The following LRP1B variants were observed in gnomAD, a reference collection of about 807,000 sequenced individuals.
LRP1B encodes the protein low-density lipoprotein receptor-related protein 1B.
In LRP1B, 217 loss-of-function variants were observed where a neutral mutation model predicts 556.6. The observed-to-expected ratio is 0.39, with a 90% CI of 0.35 to 0.44. The LOEUF (loss-of-function observed/expected upper bound fraction) is 0.44, where lower values mean the gene tolerates loss of function less well. Ranked by LOEUF, LRP1B falls within the 20% of genes least tolerant of loss-of-function variation. The pLI, the probability that LRP1B is intolerant of heterozygous loss-of-function variation, is 1.00. For synonymous variants in LRP1B, 2,047 were observed against 1,865.8 expected (o/e 1.10, Z -2.50); for missense variants, 5,053 against 5,620.8 (o/e 0.90, Z 3.23).
rs531601126 is a variant in LRP1B, at chr2:141,430,755, G to T, written c.343+49641C>A. On this transcript the variant is annotated intron_variant, in intron 3 of 90. Coordinates refer to ENST00000389484, the MANE Select transcript of LRP1B (RefSeq NM_018557.3). ...ATTCCCTAAAAAGCCCTTGCCTTTT[G>T]GTTATACAATCAAATGCCAATCTAG... 6.6e-5 allele frequency among the ~76,000 whole-genome samples: 10 copies of T among 152,176 alleles called. No individual in the cohort carries two copies. In the South Asian group the frequency reaches 2.1e-3, roughly 32 times the overall value.
At chr2:141,305,768 T>G (rs1398761394) in intron 3 of LRP1B, among the ~76,000 whole-genome samples, 1 of 152,208 alleles carries the variant, frequency 6.6e-6, no homozygotes, top group African/African-American at 2.4e-5. Flanking sequence ...GTTCCTTCTA[T>G]GCCTAGCTTG....
chr2:141,003,276 T>C (rs1697477430), intron 15 of LRP1B, among the ~76,000 whole-genome samples: 1 of 152,246 alleles, frequency 6.6e-6, no homozygotes, highest in African/African-American at 2.4e-5. Context: ...AAGATGCTTA[T>C]GCTCATATTA....
At position 141,441,157 on chromosome 2, in the gene LRP1B, A is replaced by C. The variant is rs10169056; in HGVS notation, c.343+39239T>G. ...AATGGTACGATCTTGGTTCACTGCAACCTCCACCTCCCGGGTTCAAGTGAT... is the reference window on the plus strand; with the variant it reads ...AATGGTACGATCTTGGTTCACTGCACCCTCCACCTCCCGGGTTCAAGTGAT... On this transcript the variant is annotated intron_variant, in intron 3 of 90. Transcript: ENST00000389484. Among the ~76,000 whole-genome samples the C allele has an allele frequency of 9.5e-3, 1,440 of 151,816 alleles. 20 individuals are homozygous for C. The highest frequency in any genetic ancestry group is 0.033 in the African/African-American group (1,374 of 41,344).
At chr2:140,558,071 T>C (rs894498724) in intron 43 of LRP1B, among the ~76,000 whole-genome samples, 1 of 152,118 alleles carries the variant, frequency 6.6e-6, no homozygotes, top group Admixed American at 6.6e-5. Context: ...CGATGAAATA[T>C]CACCTCACAC....
chr2:140,340,186 A>G (rs1224145844), intron 77 of LRP1B, among the ~76,000 whole-genome samples: 1 of 151,506 alleles, frequency 6.6e-6, no homozygotes, highest in Non-Finnish European at 1.5e-5. Flanking sequence ...ACACTATCAG[A>G]AAAACAAAGA....
chr2:141,974,326 G>C (rs1443608158), intron 1 of LRP1B, among the ~76,000 whole-genome samples: 2 of 152,006 alleles, frequency 1.3e-5, no homozygotes, highest in Admixed American at 6.6e-5. Flanking sequence ...AAGGGGATAG[G>C]AAAGAACGGT....
At chr2:141,475,230 G>T (rs987929408) in intron 3 of LRP1B, among the ~76,000 whole-genome samples, 5 of 152,140 alleles carry the variant, frequency 3.3e-5, no homozygotes, top group African/African-American at 1.2e-4. Context: ...AAAATTAGCT[G>T]TTGGCACAGG....
intron 59 of LRP1B, 28 bp downstream of exon 59, chr2:140,485,315 T>G: frequency 6.3e-7 from 1 of 1,578,738 alleles, no homozygotes; most frequent in Non-Finnish European, 8.6e-7. Flanking sequence ...AGTCTTAAAC[T>G]TTAAGATTTT....
chr2:141,962,330 A>T (rs1300361223), intron 1 of LRP1B, among the ~76,000 whole-genome samples: 1 of 151,830 alleles, frequency 6.6e-6, no homozygotes, highest in Non-Finnish European at 1.5e-5. Context: ...TTTAACAAAG[A>T]CATCTTTCAT....
At chr2:141,818,724 G>T (rs1317755190) in intron 1 of LRP1B, among the ~76,000 whole-genome samples, 1 of 150,816 alleles carries the variant, frequency 6.6e-6, no homozygotes, top group East Asian at 2.0e-4. Context: ...TTTTAGTAGA[G>T]ACGGGGTTTC....
intron 1 of LRP1B, among the ~76,000 whole-genome samples, chr2:141,920,278 T>TGGGG (rs1391118182): frequency 9.5e-6 from 1 of 104,826 alleles, no homozygotes; most frequent in Non-Finnish European, 1.9e-5. Context: ...TTCTTTTTTT[T>TGGGG]TGGGGGGGGG....
At chr2:141,235,490 G>A (rs1421893170) in intron 5 of LRP1B, among the ~76,000 whole-genome samples, 2 of 152,044 alleles carry the variant, frequency 1.3e-5, no homozygotes, top group African/African-American at 4.8e-5. Context: ...GATGGTGTTG[G>A]TATTCGGTCT....
chr2:141,181,176 A>G (rs1257947708), intron 7 of LRP1B, among the ~76,000 whole-genome samples: 5 of 151,956 alleles, frequency 3.3e-5, no homozygotes, highest in African/African-American at 1.2e-4. Context: ...CACTTAACAA[A>G]CAGTACTGTT....
At chr2:141,345,860 A>C (rs1000746096) in intron 3 of LRP1B, among the ~76,000 whole-genome samples, 1 of 151,496 alleles carries the variant, frequency 6.6e-6, no homozygotes, top group Non-Finnish European at 1.5e-5. Flanking sequence ...TGGACCTCCT[A>C]GGTTAACCTC....
chr2:141,128,293 A>AAAC (rs1035533289), intron 7 of LRP1B, among the ~76,000 whole-genome samples: 2 of 152,246 alleles, frequency 1.3e-5, no homozygotes, highest in Non-Finnish European at 2.9e-5. Context: ...TAACAGAACA[A>AAAC]AACAACAACA....
At chr2:141,403,414 A>G (rs1690518873) in intron 3 of LRP1B, among the ~76,000 whole-genome samples, 1 of 152,160 alleles carries the variant, frequency 6.6e-6, no homozygotes, top group Non-Finnish European at 1.5e-5. Flanking sequence ...CAATAAAGGT[A>G]TGTAATATTA....
At chr2:142,027,072 T>C (rs1222404186) in intron 1 of LRP1B, among the ~76,000 whole-genome samples, 1 of 152,004 alleles carries the variant, frequency 6.6e-6, no homozygotes, top group Non-Finnish European at 1.5e-5. Flanking sequence ...AGGTCACCCT[T>C]ACTCAGATGA....
intron 60 of LRP1B, among the ~76,000 whole-genome samples, chr2:140,470,735 G>C (rs1687735120): frequency 6.7e-6 from 1 of 149,240 alleles, no homozygotes; most frequent in African/African-American, 2.5e-5. Context: ...TTTTAGTTCT[G>C]GACTTCCCTT....
chr2:141,642,771 T>G (rs148237933), intron 2 of LRP1B, among the ~76,000 whole-genome samples: 2 of 152,226 alleles, frequency 1.3e-5, no homozygotes, highest in Non-Finnish European at 2.9e-5. Flanking sequence ...AATAACGTTT[T>G]TGGTGGCACT....
Sources: allele counts gnomAD v4.1 joint callset (sites outside exome capture counted in the v4.1 genomes callset), GRCh38; gene constraint gnomAD v4.1.1; transcripts MANE v1.5; gene names NCBI Gene and HGNC (gene_info 2026-07-23, HGNC 2026-07-21).